The following DIPK1A variants were observed in gnomAD, a reference collection of about 807,000 sequenced individuals.
The protein encoded by DIPK1A is divergent protein kinase domain 1A.
DIPK1A carries 27 observed loss-of-function variants against 40.8 expected under a neutral mutation model. The observed-to-expected ratio is 0.66, with a 90% CI of 0.49 to 0.91. The LOEUF (loss-of-function observed/expected upper bound fraction) is 0.91, where lower values mean the gene tolerates loss of function less well. Ranked by LOEUF, DIPK1A falls within the 40% of genes least tolerant of loss-of-function variation. The probability of loss-of-function intolerance (pLI) is 0.00; values close to 1 mark genes in which losing one functional copy is unlikely to be tolerated. For synonymous variants in DIPK1A, 166 were observed against 171.3 expected (o/e 0.97, Z 0.24); for missense variants, 412 against 505.7 (o/e 0.81, Z 1.78).
chr1:92,879,034 G>T (rs1648257691), intron 1 of DIPK1A, among the ~76,000 whole-genome samples: 1 of 151,814 alleles, frequency 6.6e-6, no homozygotes, highest in Non-Finnish European at 1.5e-5. Flanking sequence ...ATAAAAATTA[G>T]CCAAGCATAG....
At chr1:92,918,603 C>T (rs1397557208) in intron 1 of DIPK1A, among the ~76,000 whole-genome samples, 1 of 152,212 alleles carries the variant, frequency 6.6e-6, no homozygotes, top group Non-Finnish European at 1.5e-5. Context: ...ATTACGCACT[C>T]TCCTAATCAT....
intron 1 of DIPK1A, among the ~76,000 whole-genome samples, chr1:92,879,169 G>T (rs1370126593): frequency 3.9e-5 from 6 of 152,126 alleles, no homozygotes; most frequent in Admixed American, 3.9e-4. Context: ...GACACAGAGA[G>T]ACCCTGTTGC....
chr1:92,841,695 T>G, downstream of DIPK1A: 2 of 974,158 alleles, frequency 2.1e-6, no homozygotes, highest in Non-Finnish European at 2.9e-6. Flanking sequence ...TAAATTTTAT[T>G]AAAATTTTAA....
chr1:92,841,814 T>C (rs1446214511), downstream of DIPK1A: 1 of 1,611,882 alleles, frequency 6.2e-7, no homozygotes, highest in South Asian at 1.1e-5. Flanking sequence ...ATCGGGTAGC[T>C]CAAAAGAAGG....
At chr1:92,926,568 CT>C (rs1650518972) in intron 1 of DIPK1A, among the ~76,000 whole-genome samples, 1 of 152,116 alleles carries the variant, frequency 6.6e-6, no homozygotes, top group Non-Finnish European at 1.5e-5. Context: ...TCTGTACAGA[CT>C]TTTGGCTTAG....
intron 3 of DIPK1A, among the ~76,000 whole-genome samples, chr1:92,847,848 G>A (rs1417112409): frequency 1.3e-5 from 2 of 152,116 alleles, no homozygotes. Context: ...GAATCTTCCT[G>A]CCTCAGTCTC....
chr1:92,844,230 G>GA, intron 4 of DIPK1A, 35 bp from the exon 5 acceptor site: 1 of 1,293,956 alleles, frequency 7.7e-7, no homozygotes, highest in Non-Finnish European at 1.1e-6. Flanking sequence ...CAGAAGGAAT[G>GA]AAAAATACCT....
chr1:92,953,464 T>C (rs557076615), intron 1 of DIPK1A, among the ~76,000 whole-genome samples: 2 of 152,342 alleles, frequency 1.3e-5, no homozygotes, highest in South Asian at 2.1e-4. Flanking sequence ...CCCATGTTCA[T>C]TGTAGTACAA....
At chr1:92,906,606 A>C (rs1331894047) in intron 1 of DIPK1A, among the ~76,000 whole-genome samples, 2 of 152,200 alleles carry the variant, frequency 1.3e-5, no homozygotes, top group Non-Finnish European at 2.9e-5. Flanking sequence ...GAATACAATG[A>C]TACCTACATT....
At chr1:92,841,965 AT>A, downstream of DIPK1A, 1 of 994,102 alleles carries the variant, frequency 1.0e-6, no homozygotes, top group Non-Finnish European at 1.5e-6. Flanking sequence ...CTTATAGGAA[AT>A]ACCCTGAAAT....
At chr1:92,921,093 C>T (rs1650252157) in intron 1 of DIPK1A, among the ~76,000 whole-genome samples, 1 of 152,028 alleles carries the variant, frequency 6.6e-6, no homozygotes, top group Non-Finnish European at 1.5e-5. Flanking sequence ...TGGAGGAAGC[C>T]GGTTTCCACA....
At chr1:92,951,669 C>T (rs942818031) in intron 1 of DIPK1A, among the ~76,000 whole-genome samples, 3 of 152,216 alleles carry the variant, frequency 2.0e-5, no homozygotes, top group African/African-American at 7.2e-5. Flanking sequence ...TATGCTCTGT[C>T]AAATCTCATT....
intron 1 of DIPK1A, among the ~76,000 whole-genome samples, chr1:92,955,170 T>C (rs1432790903): frequency 6.6e-6 from 1 of 151,990 alleles, no homozygotes; most frequent in Middle Eastern, 3.2e-3. Context: ...GACCAGTGGC[T>C]TTTGGGGGCT....
intron 2 of DIPK1A, among the ~76,000 whole-genome samples, chr1:92,870,073 TATACACACAC>T (rs1388586829): frequency 8.7e-4 from 125 of 143,744 alleles, no homozygotes; most frequent in Middle Eastern, 3.5e-3. Context: ...ATGAATTATA[TATACACACAC>T]ACACACACAC....
intron 1 of DIPK1A, among the ~76,000 whole-genome samples, chr1:92,959,903 C>CTTTTTTTTTT (rs1157142089): frequency 0.011 from 541 of 47,828 alleles, 41 homozygotes; most frequent in African/African-American, 0.018. Context: ...ACCCAACCAA[C>CTTTTTTTTTT]TTTTTTTTTT....
chr1:92,878,722 A>C (rs1648239317), intron 1 of DIPK1A, among the ~76,000 whole-genome samples: 1 of 152,170 alleles, frequency 6.6e-6, no homozygotes, highest in Non-Finnish European at 1.5e-5. Context: ...CGGGAGTCTG[A>C]GGCAGGAGAA....
intron 3 of DIPK1A, among the ~76,000 whole-genome samples, chr1:92,849,123 A>G (rs1257364700): frequency 6.6e-6 from 1 of 152,150 alleles, no homozygotes; most frequent in Non-Finnish European, 1.5e-5. Context: ...ATAAGTTCAA[A>G]TATTATTTCA....
chr1:92,873,332 C>T (rs113263828), intron 2 of DIPK1A, among the ~76,000 whole-genome samples: 4,972 of 151,986 alleles, frequency 0.033, 264 homozygotes, highest in African/African-American at 0.11. Flanking sequence ...CTTATCCTCT[C>T]GGCTGGGTGT....
At chr1:92,874,762 CAGA>C (rs1202415113) in intron 2 of DIPK1A, among the ~76,000 whole-genome samples, 3 of 152,192 alleles carry the variant, frequency 2.0e-5, no homozygotes, top group Middle Eastern at 3.4e-3. Flanking sequence ...TGTAGGGTAG[CAGA>C]AGGAGTATGA....
Sources: gnomAD v4.1 joint callset for allele counts (sites outside exome capture counted in the v4.1 genomes callset) on GRCh38, gnomAD v4.1.1 for gene constraint, MANE v1.5 for transcripts, NCBI Gene and HGNC (gene_info 2026-07-23, HGNC 2026-07-21) for gene names.